Variants in MRPL13 observed in about 807,000 individuals in gnomAD.
The protein encoded by MRPL13 is mitochondrial ribosomal protein L13, also known as large ribosomal subunit protein uL13m.
In MRPL13, 33 loss-of-function variants were observed where a neutral mutation model predicts 29.0. The ratio of observed to expected loss-of-function variants is 1.14; its 90% CI spans 0.86 to 1.52. MRPL13 has a LOEUF of 1.52. Among genes scored for constraint, MRPL13 ranks in the 40% most tolerant of loss-of-function variants. MRPL13 has a pLI of 0.00. For synonymous variants in MRPL13, 77 were observed against 68.4 expected (o/e 1.13, Z -0.62); for missense variants, 227 against 216.7 (o/e 1.05, Z -0.30).
At chr8:120,416,232 C>T (rs574551718) in intron 5 of MRPL13, among the ~76,000 whole-genome samples, 15 of 152,272 alleles carry the variant, frequency 9.9e-5, no homozygotes, top group Admixed American at 7.8e-4. Flanking sequence ...CGGTGGCTCA[C>T]GTCTGTAATC....
At chr8:120,420,434 T>C (rs979381320) in intron 4 of MRPL13, among the ~76,000 whole-genome samples, 20 of 148,316 alleles carry the variant, frequency 1.3e-4, no homozygotes, top group Middle Eastern at 3.5e-3. Context: ...TGAGGTCATT[T>C]AATGTATGTA....
At chr8:120,416,603 A>G (rs1017525633) in intron 5 of MRPL13, among the ~76,000 whole-genome samples, 14 of 152,236 alleles carry the variant, frequency 9.2e-5, no homozygotes, top group Non-Finnish European at 1.6e-4. Context: ...ACAGGGGTCA[A>G]GTGATCACTT....
chr8:120,432,161 TA>T, intron 2 of MRPL13, 38 bp from the exon 3 acceptor site: 2 of 1,486,532 alleles, frequency 1.3e-6, no homozygotes, highest in Non-Finnish European at 9.1e-7. Context: ...GTAAGAAAAA[TA>T]AAAACCTTAA....
intron 5 of MRPL13, among the ~76,000 whole-genome samples, chr8:120,418,029 CAT>C (rs1472638372): frequency 6.6e-6 from 1 of 152,068 alleles, no homozygotes; most frequent in Non-Finnish European, 1.5e-5. Flanking sequence ...CCTTTGTACC[CAT>C]AGTCTAGTAG....
At chr8:120,425,859 G>C (rs527377355) in intron 3 of MRPL13, among the ~76,000 whole-genome samples, 1 of 152,068 alleles carries the variant, frequency 6.6e-6, no homozygotes, top group South Asian at 2.1e-4. Flanking sequence ...GCTACATATT[G>C]GCTCTAAGTA....
At chr8:120,416,838 T>C (rs570794788) in intron 5 of MRPL13, among the ~76,000 whole-genome samples, 2 of 152,332 alleles carry the variant, frequency 1.3e-5, no homozygotes, top group East Asian at 1.9e-4. Context: ...AGTCTCCCTA[T>C]AGAACATTAA....
intron 1 of MRPL13, among the ~76,000 whole-genome samples, chr8:120,443,543 C>T (rs1813154488): frequency 6.6e-6 from 1 of 151,416 alleles, no homozygotes; most frequent in African/African-American, 2.4e-5. Context: ...TTATTCCTTC[C>T]TGGTTTCCTG....
At chr8:120,444,052 T>C (rs959239718) in intron 1 of MRPL13, among the ~76,000 whole-genome samples, 3 of 152,128 alleles carry the variant, frequency 2.0e-5, no homozygotes, top group Non-Finnish European at 2.9e-5. Context: ...GCTGGTCTTA[T>C]TTTAAATTTA....
At chr8:120,432,743 T>C (rs1813009401) in intron 2 of MRPL13, among the ~76,000 whole-genome samples, 1 of 152,060 alleles carries the variant, frequency 6.6e-6, no homozygotes, top group Non-Finnish European at 1.5e-5. Context: ...ACAGATGACC[T>C]GAAAATCAAA....
intron 6 of MRPL13, among the ~76,000 whole-genome samples, 198 bp downstream of exon 6, chr8:120,413,793 A>G (rs1228850385): frequency 1.3e-5 from 2 of 152,190 alleles, no homozygotes; most frequent in African/African-American, 4.8e-5. Flanking sequence ...GCACTTATCT[A>G]GCAAGGTCTT....
chr8:120,396,359 G>A, intron 6 of MRPL13, among the ~76,000 whole-genome samples: 1 of 152,012 alleles, frequency 6.6e-6, no homozygotes, highest in East Asian at 1.9e-4. Flanking sequence ...GCCACCTTGT[G>A]CCTATATAAG....
At chr8:120,416,450 T>C (rs1319397697) in intron 5 of MRPL13, among the ~76,000 whole-genome samples, 1 of 152,096 alleles carries the variant, frequency 6.6e-6, no homozygotes, top group Non-Finnish European at 1.5e-5. Context: ...GCCCAGATTG[T>C]GCCACTGCAC....
chr8:120,407,045 A>G (rs990644305), intron 6 of MRPL13, among the ~76,000 whole-genome samples: 2 of 152,228 alleles, frequency 1.3e-5, no homozygotes, highest in Admixed American at 1.3e-4. Flanking sequence ...TCTGTTTCCT[A>G]TAGCAAATTC....
At chr8:120,444,812 T>C (rs771121184) in intron 1 of MRPL13, 9 of 563,946 alleles carry the variant, frequency 1.6e-5, no homozygotes, top group Non-Finnish European at 2.9e-5. Context: ...CTCTCCGATC[T>C]GCTCTAATCC....
At chr8:120,434,653 T>C (rs929313836) in intron 2 of MRPL13, among the ~76,000 whole-genome samples, 2 of 152,080 alleles carry the variant, frequency 1.3e-5, no homozygotes, top group African/African-American at 4.8e-5. Context: ...CAGAAGTCCT[T>C]CTCAGCAAAC....
rs1812514595 is a variant in MRPL13, at chr8:120,395,697, A to AC, written c.*406_*407insG. ...AAGTTAGATAAAAAAAGCCACTGAA[A>AC]TGAAAAGTGAAGGTAGAGCTTGTTC... is the stretch of plus-strand genomic sequence containing the variant. On this transcript the variant is annotated 3_prime_UTR_variant, in exon 7 of 7. Transcript: ENST00000306185. The AC allele has an allele frequency of 1.3e-5, 2 of 157,028 alleles. No individual in the cohort carries two copies. Among genetic ancestry groups the AC allele is most frequent in the South Asian group, 4.0e-4 (2 of 4,980 alleles). 9.7% of individuals were successfully genotyped at this position (157,028 alleles called of 1,614,324 possible).
rs575144046 is a variant in MRPL13 at position 120,425,855 on chromosome 8, T to C, written c.246-489A>G. On this transcript the variant is annotated intron_variant, in intron 3 of 6. Transcript: ENST00000306185. Reference sequence around the variant, plus strand: ...TTTGTAAAGGTCTCTAAGTGCTACATATTGGCTCTAAGTAATATAATATTT... The same window carrying C: ...TTTGTAAAGGTCTCTAAGTGCTACACATTGGCTCTAAGTAATATAATATTT... Among the ~76,000 whole-genome samples the C allele has an allele frequency of 7.3e-4, 111 of 152,244 alleles. 1 individual carries two copies. Among genetic ancestry groups the C allele is most frequent in the African/African-American group, 2.6e-3 (106 of 41,568 alleles).
Position 120,437,586 on chromosome 8 carries a change from G to A in MRPL13, c.152-5463C>T, listed in dbSNP as rs578019745. Among the ~76,000 whole-genome samples the A allele has an allele frequency of 2.6e-5, 4 of 151,978 alleles. No individual in the cohort carries two copies. The East Asian group carries it at 7.7e-4, about 29-fold the overall frequency. On this transcript the variant is annotated intron_variant, in intron 2 of 6. Coordinates refer to ENST00000306185, the MANE Select transcript of MRPL13 (RefSeq NM_014078.6). Reference sequence around the variant, plus strand: ...CTATTTTTTGATTTATCAGAAACACGTTCAAAAAGTTCTCAAGTCCCAAAT... The same window carrying A: ...CTATTTTTTGATTTATCAGAAACACATTCAAAAAGTTCTCAAGTCCCAAAT...
chr8:120,413,141 C>G (rs187950943), intron 6 of MRPL13, among the ~76,000 whole-genome samples: 14 of 152,190 alleles, frequency 9.2e-5, no homozygotes, highest in African/African-American at 3.4e-4. Flanking sequence ...GTGGTCTTTG[C>G]TTCATATTTT....
Sources: gnomAD v4.1 joint callset for allele counts (sites outside exome capture counted in the v4.1 genomes callset) on GRCh38, gnomAD v4.1.1 for gene constraint, MANE v1.5 for transcripts, NCBI Gene and HGNC (gene_info 2026-07-23, HGNC 2026-07-21) for gene names.